PTPRM: variants seen among roughly 807,000 people sequenced by gnomAD.
PTPRM encodes the protein protein tyrosine phosphatase receptor type M, also known as receptor-type tyrosine-protein phosphatase mu.
PTPRM carries 47 observed loss-of-function variants against 186.7 expected under a neutral mutation model. That is an observed-to-expected ratio of 0.25 (90% CI 0.20 to 0.32). The LOEUF is 0.32. PTPRM is among the 10% of genes least tolerant of loss of function. PTPRM has a pLI of 1.00. For synonymous variants in PTPRM, 668 were observed against 674.9 expected (o/e 0.99, Z 0.16); for missense variants, 1,494 against 1,865.0 (o/e 0.80, Z 3.66).
intron 4 of PTPRM, among the ~76,000 whole-genome samples, chr18:7,912,899 A>G: frequency 6.6e-6 from 1 of 152,166 alleles, no homozygotes; most frequent in Non-Finnish European, 1.5e-5. Flanking sequence ...ATTGATAGGG[A>G]TTGTGTTGAA....
intron 2 of PTPRM, among the ~76,000 whole-genome samples, chr18:7,837,800 A>G (rs1598977097): frequency 6.6e-6 from 1 of 152,218 alleles, no homozygotes; most frequent in East Asian, 1.9e-4. Flanking sequence ...GTCCCTGGTG[A>G]CTTATTTAGT....
chr18:8,044,105 G>A (rs1439951566), intron 7 of PTPRM, among the ~76,000 whole-genome samples: 1 of 152,168 alleles, frequency 6.6e-6, no homozygotes, highest in Non-Finnish European at 1.5e-5. Flanking sequence ...TACAGATGAA[G>A]CCTCGAGCTT....
chr18:7,735,731 T>C (rs1168057000), intron 1 of PTPRM, among the ~76,000 whole-genome samples: 2 of 152,182 alleles, frequency 1.3e-5, no homozygotes, highest in African/African-American at 2.4e-5. Flanking sequence ...TTCAAGGTCT[T>C]AAAAGAGGCA....
chr18:7,672,081 T>G (rs929583698), intron 1 of PTPRM, among the ~76,000 whole-genome samples: 3 of 152,210 alleles, frequency 2.0e-5, no homozygotes. Flanking sequence ...AACATCTTAT[T>G]TTTAGAAACG....
intron 1 of PTPRM, among the ~76,000 whole-genome samples, chr18:7,622,398 G>A (rs1211145012): frequency 6.6e-6 from 1 of 152,074 alleles, no homozygotes; most frequent in East Asian, 1.9e-4. Flanking sequence ...GCTGCTATGA[G>A]AGGAATTGAT....
Position 7,567,556 on chromosome 18 carries a change from C to T in PTPRM, c.-263C>T, listed in dbSNP as rs2036455494. On this transcript the variant is annotated 5_prime_UTR_variant, in exon 1 of 33. Transcript: ENST00000580170. The surrounding 1 kb of genome is among the most constrained non-coding windows in gnomAD (Gnocchi z 4.3). ...CGAGGGAAGATTTTGGCTCCGCGGG[C>T]TCGCCCTCCGCTCCCTCTGCCAGCG... The T allele has an allele frequency of 5.4e-6, 2 of 372,182 alleles. No individual in the cohort carries two copies. Among genetic ancestry groups the T allele is most frequent in the Admixed American group, 4.7e-5 (1 of 21,472 alleles). 23.1% of individuals were successfully genotyped at this position (372,182 alleles called of 1,614,324 possible).
intron 29 of PTPRM, 93 bp from the exon 30 acceptor site, chr18:8,384,468 A>C: frequency 7.1e-7 from 1 of 1,408,544 alleles, no homozygotes; most frequent in Non-Finnish European, 9.9e-7. Context: ...TTAAAAAAAA[A>C]GGATTACTGA....
chr18:8,304,641 A>G (rs977889663), intron 20 of PTPRM, among the ~76,000 whole-genome samples: 5 of 152,214 alleles, frequency 3.3e-5, no homozygotes, highest in Admixed American at 3.3e-4. Context: ...TATTCAAGTC[A>G]TGCATGGCAA....
At chr18:7,933,262 G>A (rs1358012932) in intron 5 of PTPRM, among the ~76,000 whole-genome samples, 1 of 152,190 alleles carries the variant, frequency 6.6e-6, no homozygotes, top group Non-Finnish European at 1.5e-5. Flanking sequence ...AAGTGAAAAG[G>A]TGAAAGTGCT....
chr18:7,688,295 C>T (rs948824336), intron 1 of PTPRM, among the ~76,000 whole-genome samples: 2 of 152,132 alleles, frequency 1.3e-5, no homozygotes, highest in Non-Finnish European at 2.9e-5. Context: ...ACTGCACACC[C>T]TCTCCTGATA....
At chr18:8,142,164 C>T (rs1253692143) in intron 13 of PTPRM, among the ~76,000 whole-genome samples, 2 of 152,150 alleles carry the variant, frequency 1.3e-5, no homozygotes, top group Non-Finnish European at 2.9e-5. Context: ...GACTTATTCT[C>T]GACATTGTCA....
At chr18:7,949,773 C>A (rs1051074645) in intron 6 of PTPRM, among the ~76,000 whole-genome samples, 2 of 152,068 alleles carry the variant, frequency 1.3e-5, no homozygotes, top group African/African-American at 4.8e-5. Flanking sequence ...TCAGTCATAT[C>A]ACACAAGCCA....
chr18:7,699,516 C>T (rs2039914454), intron 1 of PTPRM, among the ~76,000 whole-genome samples: 1 of 152,102 alleles, frequency 6.6e-6, no homozygotes. Context: ...TCAAGTGATT[C>T]TCCTGCCTCA....
intron 7 of PTPRM, among the ~76,000 whole-genome samples, chr18:8,008,242 T>G (rs934579859): frequency 6.6e-6 from 1 of 152,096 alleles, no homozygotes; most frequent in South Asian, 2.1e-4. Context: ...TTGCAGAGGA[T>G]CAGCTGTGTA....
At chr18:8,110,646 C>T (rs2091712437) in intron 11 of PTPRM, among the ~76,000 whole-genome samples, 1 of 151,996 alleles carries the variant, frequency 6.6e-6, no homozygotes, top group Non-Finnish European at 1.5e-5. Flanking sequence ...ACTGTGGAGC[C>T]CAGGAGAACG....
chr18:8,385,354 T>G (rs1174706339), intron 30 of PTPRM, among the ~76,000 whole-genome samples: 2 of 152,198 alleles, frequency 1.3e-5, no homozygotes, highest in South Asian at 2.1e-4. Context: ...ATAGATGTAG[T>G]AAGTTAGGAA....
At chr18:8,096,034 A>T (rs1237397044) in intron 11 of PTPRM, among the ~76,000 whole-genome samples, 1 of 152,052 alleles carries the variant, frequency 6.6e-6, no homozygotes, top group Non-Finnish European at 1.5e-5. Context: ...CTTATATTGC[A>T]CCTTAACCCC....
chr18:8,075,414 C>CA (rs1314373002), intron 8 of PTPRM, among the ~76,000 whole-genome samples: 1 of 151,858 alleles, frequency 6.6e-6, no homozygotes, highest in African/African-American at 2.4e-5. Flanking sequence ...ACTTCATCAC[C>CA]AAAAAATGTG....
chr18:7,578,013 G>A (rs2036734813), intron 1 of PTPRM, among the ~76,000 whole-genome samples: 1 of 152,158 alleles, frequency 6.6e-6, no homozygotes, highest in Non-Finnish European at 1.5e-5. Flanking sequence ...TCCCTGAGCT[G>A]TTGAAAGAAG....
Sources: allele counts gnomAD v4.1 joint callset (sites outside exome capture counted in the v4.1 genomes callset), GRCh38; gene constraint gnomAD v4.1.1; non-coding constraint Gnocchi (gnomAD v3.1); transcripts MANE v1.5; gene names NCBI Gene and HGNC (gene_info 2026-07-23, HGNC 2026-07-21).